Variants in NKAIN2 observed in about 807,000 individuals in gnomAD.
NKAIN2 encodes the protein sodium/potassium-transporting ATPase subunit beta-1-interacting protein 2.
A neutral mutation model predicts 32.6 loss-of-function variants in NKAIN2; 14 were observed. The observed-to-expected ratio is 0.43, with a 90% CI of 0.28 to 0.67. NKAIN2 has a LOEUF of 0.67. Among genes scored for constraint, NKAIN2 ranks in the 30% least tolerant of loss-of-function variants. The pLI, the probability that NKAIN2 is intolerant of heterozygous loss-of-function variation, is 0.17. For missense variants in NKAIN2, 198 were observed against 258.3 expected, an observed-to-expected ratio of 0.77 and a Z score of 1.60; for synonymous variants, 80 against 87.2, an observed-to-expected ratio of 0.92 and a Z score of 0.46.
rs527421364 is a variant in NKAIN2 at position 124,147,306 on chromosome 6, T to C, written c.55-135699T>C. On this transcript the variant is annotated intron_variant, in intron 1 of 6. Transcript: ENST00000368417. ...TCATCCCTCACTAACCTTAGAAGAG[T>C]AAACAACACTGATTGCACACATGGG... 3.3e-5 allele frequency among the ~76,000 whole-genome samples: 5 copies of C among 152,106 alleles called. No homozygotes were observed. In the South Asian group the frequency reaches 8.3e-4, roughly 25 times the overall value.
At chr6:123,843,473 A>T (rs1381029674) in intron 1 of NKAIN2, among the ~76,000 whole-genome samples, 2 of 151,986 alleles carry the variant, frequency 1.3e-5, no homozygotes, top group African/African-American at 4.8e-5. Flanking sequence ...CCCCTTTGCC[A>T]GGGGAGCTTG....
chr6:124,515,308 A>G (rs529469537), intron 3 of NKAIN2, among the ~76,000 whole-genome samples: 1 of 152,164 alleles, frequency 6.6e-6, no homozygotes, highest in Admixed American at 6.5e-5. Context: ...AATGTTCAGA[A>G]TTAAGTATTT....
At chr6:124,190,354 T>G (rs1294451434) in intron 1 of NKAIN2, among the ~76,000 whole-genome samples, 1 of 152,226 alleles carries the variant, frequency 6.6e-6, no homozygotes, top group African/African-American at 2.4e-5. Context: ...ACCATTCAAA[T>G]GAAAAGTGAG....
chr6:124,388,703 A>C (rs1453904684), intron 3 of NKAIN2, among the ~76,000 whole-genome samples: 1 of 152,116 alleles, frequency 6.6e-6, no homozygotes, highest in East Asian at 1.9e-4. Context: ...ACATATGCAA[A>C]GCAAAGAAAA....
chr6:124,783,649 C>G (rs1779372907), intron 4 of NKAIN2, among the ~76,000 whole-genome samples: 1 of 152,132 alleles, frequency 6.6e-6, no homozygotes, highest in Non-Finnish European at 1.5e-5. Context: ...TAAGAATCAT[C>G]TGGTAAACAA....
intron 4 of NKAIN2, among the ~76,000 whole-genome samples, chr6:124,732,530 A>T (rs12663834): frequency 6.6e-6 from 1 of 151,828 alleles, no homozygotes; most frequent in Non-Finnish European, 1.5e-5. Flanking sequence ...AGCTAGGTTT[A>T]TATCATTACT....
chr6:123,827,675 G>C (rs532381641), intron 1 of NKAIN2, among the ~76,000 whole-genome samples: 1 of 152,060 alleles, frequency 6.6e-6, no homozygotes, highest in South Asian at 2.1e-4. Context: ...TTATGAAATG[G>C]TGCTATGATT....
intron 1 of NKAIN2, among the ~76,000 whole-genome samples, chr6:123,970,275 A>ACTGGC (rs1778280292): frequency 6.6e-6 from 1 of 152,210 alleles, no homozygotes; most frequent in African/African-American, 2.4e-5. Context: ...ACAAAATCAA[A>ACTGGC]TGGTAAGGCT....
intron 1 of NKAIN2, among the ~76,000 whole-genome samples, chr6:123,819,649 C>T (rs1023170268): frequency 6.6e-5 from 10 of 152,276 alleles, no homozygotes; most frequent in South Asian, 2.1e-4. Flanking sequence ...AGCAACGCAA[C>T]GGAAAGCTGG....
intron 5 of NKAIN2, among the ~76,000 whole-genome samples, chr6:124,813,243 A>G (rs1291417067): frequency 6.6e-6 from 1 of 152,148 alleles, no homozygotes; most frequent in African/African-American, 2.4e-5. Context: ...AATTCAGCAA[A>G]GGTAGTTTCT....
intron 3 of NKAIN2, among the ~76,000 whole-genome samples, chr6:124,389,970 G>A (rs1204115773): frequency 1.3e-5 from 2 of 152,034 alleles, no homozygotes; most frequent in African/African-American, 4.8e-5. Context: ...AACAAGCTGT[G>A]TGTGAGTCCC....
chr6:124,483,564 T>C (rs1220661961), intron 3 of NKAIN2, among the ~76,000 whole-genome samples: 1 of 152,148 alleles, frequency 6.6e-6, no homozygotes, highest in African/African-American at 2.4e-5. Flanking sequence ...TGAATTTCTG[T>C]TCATGACTTG....
At chr6:124,290,777 A>G (rs1033188262) in intron 2 of NKAIN2, among the ~76,000 whole-genome samples, 13 of 149,984 alleles carry the variant, frequency 8.7e-5, no homozygotes, top group Admixed American at 2.7e-4. Flanking sequence ...CTATTGCTTG[A>G]TATTCATTCT....
intron 1 of NKAIN2, among the ~76,000 whole-genome samples, chr6:123,830,363 A>G (rs1017582349): frequency 1.3e-5 from 2 of 152,130 alleles, no homozygotes; most frequent in Non-Finnish European, 2.9e-5. Flanking sequence ...CTAGGCGTAA[A>G]GGCAAAACTC....
At chr6:124,276,182 T>A (rs556011294) in intron 1 of NKAIN2, among the ~76,000 whole-genome samples, 6 of 152,172 alleles carry the variant, frequency 3.9e-5, no homozygotes, top group African/African-American at 1.4e-4. Context: ...GTTTTTCTTT[T>A]TAAAGAAAAA....
At chr6:123,883,247 C>A (rs1562237706) in intron 1 of NKAIN2, among the ~76,000 whole-genome samples, 1 of 152,066 alleles carries the variant, frequency 6.6e-6, no homozygotes, top group Non-Finnish European at 1.5e-5. Flanking sequence ...TGGGTTCATG[C>A]CATTCTCCTG....
intron 1 of NKAIN2, among the ~76,000 whole-genome samples, chr6:123,870,520 A>T (rs1772816399): frequency 6.6e-6 from 1 of 152,168 alleles, no homozygotes; most frequent in Admixed American, 6.6e-5. Flanking sequence ...TCTAAGCTTT[A>T]GTTTTCTGCT....
At chr6:124,411,780 CCA>C (rs1268771972) in intron 3 of NKAIN2, among the ~76,000 whole-genome samples, 4 of 152,148 alleles carry the variant, frequency 2.6e-5, no homozygotes, top group African/African-American at 9.7e-5. Context: ...AGAATGTTTT[CCA>C]GCTTGGTTCC....
rs142415083 is a variant in NKAIN2 at position 124,595,226 on chromosome 6, C to T, written c.274-62960C>T. On this transcript the variant is annotated intron_variant, in intron 3 of 6. Coordinates refer to ENST00000368417, the MANE Select transcript of NKAIN2 (RefSeq NM_001040214.3). ...CACTGCAAACGTCCCATGATCGTTG[C>T]TCAGATGTCTTGCCTAGATGCTGAT... 7.2e-5 allele frequency among the ~76,000 whole-genome samples: 11 copies of T among 152,312 alleles called. No individual in the cohort carries two copies. The East Asian group carries it at 2.1e-3, about 29-fold the overall frequency.
Sources: gnomAD v4.1 joint callset for allele counts (sites outside exome capture counted in the v4.1 genomes callset) on GRCh38, gnomAD v4.1.1 for gene constraint, MANE v1.5 for transcripts, NCBI Gene and HGNC (gene_info 2026-07-23, HGNC 2026-07-21) for gene names.